PDE4D: variants seen among roughly 807,000 people sequenced by gnomAD.
PDE4D encodes 3',5'-cyclic-AMP phosphodiesterase 4D.
In PDE4D, 24 loss-of-function variants were observed where a neutral mutation model predicts 87.4. That is an observed-to-expected ratio of 0.27 (90% CI 0.20 to 0.39). PDE4D has a LOEUF of 0.39. Among genes scored for constraint, PDE4D ranks in the 10% least tolerant of loss-of-function variants. PDE4D has a pLI of 1.00. For missense variants in PDE4D, 714 were observed against 1,041.0 expected (o/e 0.69, Z 4.32); for synonymous variants, 384 against 383.2 (o/e 1.00, Z -0.02).
rs771396587 is a variant in PDE4D, at chr5:59,953,357, A to AT, written c.272+35130dup. Among the ~76,000 whole-genome samples the AT allele has an allele frequency of 7.9e-3, 1,188 of 150,048 alleles. 18 individuals carry two copies. The highest frequency in any genetic ancestry group is 0.026 in the African/African-American group (1,059 of 40,982). On this transcript the variant is annotated intron_variant, in intron 3 of 16. Transcript: ENST00000502484. ...TGGTTAAATATTTACATTGTCTAGA[A>AT]TTTTTTTTTTGTCTAGAATTTCGAA...
intron 1 of PDE4D, among the ~76,000 whole-genome samples, chr5:59,514,340 T>G (rs980320919): frequency 2.0e-5 from 3 of 151,952 alleles, no homozygotes; most frequent in African/African-American, 7.2e-5. Flanking sequence ...CTCCTGATTT[T>G]GTGATCCACC....
chr5:60,117,120 A>T (rs1211791410), intron 2 of PDE4D, among the ~76,000 whole-genome samples: 1 of 151,978 alleles, frequency 6.6e-6, no homozygotes, highest in Non-Finnish European at 1.5e-5. Flanking sequence ...TATAGTGTTG[A>T]TATAACTTTA....
chr5:58,983,740 A>T (rs1745771696), intron 11 of PDE4D, among the ~76,000 whole-genome samples: 1 of 152,216 alleles, frequency 6.6e-6, no homozygotes, highest in African/African-American at 2.4e-5. Flanking sequence ...AGCAGCTTGC[A>T]CAGCAGGCTG....
chr5:59,862,152 C>A (rs565785403), intron 1 of PDE4D, among the ~76,000 whole-genome samples: 1 of 152,264 alleles, frequency 6.6e-6, no homozygotes, highest in South Asian at 2.1e-4. Context: ...CCTACTCTTC[C>A]AGGACATTCC....
chr5:58,977,456 C>T (rs1744078989), intron 11 of PDE4D, 111 bp from the exon 12 acceptor site: 4 of 876,872 alleles, frequency 4.6e-6, no homozygotes, highest in Non-Finnish European at 7.2e-6. Context: ...CTCTGCTGCC[C>T]TTATCATTAC....
chr5:60,192,010 T>TATAG (rs531607721), intron 1 of PDE4D, among the ~76,000 whole-genome samples: 272 of 152,128 alleles, frequency 1.8e-3, no homozygotes, highest in Non-Finnish European at 3.3e-3. Flanking sequence ...AAAAAATATA[T>TATAG]ATATATTTAA....
At chr5:59,171,890 TATA>T (rs1287826661) in intron 5 of PDE4D, among the ~76,000 whole-genome samples, 2 of 128,838 alleles carry the variant, frequency 1.6e-5, no homozygotes, top group South Asian at 2.2e-4. Flanking sequence ...ATATTTATTA[TATA>T]ATAAGCATAT....
rs986959604 is a variant in PDE4D at position 60,168,433 on chromosome 5, T to C, written c.42+17124A>G. Among the ~76,000 whole-genome samples, 6 of 152,290 alleles carry C rather than the reference T, an allele frequency of 3.9e-5. No homozygotes were observed. In the South Asian group the frequency reaches 1.2e-3, roughly 32 times the overall value. ...TATTTTCTAACTAACCATTCCACTG[T>C]AGGCTCCCCTCTCCCTCACAAGACA... On this transcript the variant is annotated intron_variant, in intron 2 of 16. Transcript: ENST00000502484.
chr5:59,839,308 A>C (rs190007123), intron 1 of PDE4D, among the ~76,000 whole-genome samples: 1 of 151,808 alleles, frequency 6.6e-6, no homozygotes, highest in African/African-American at 2.4e-5. Context: ...GAGAGAGAAG[A>C]CCAATATTTA....
intron 1 of PDE4D, among the ~76,000 whole-genome samples, chr5:59,729,074 T>G (rs1324066423): frequency 2.0e-5 from 3 of 152,106 alleles, no homozygotes; most frequent in Non-Finnish European, 4.4e-5. Context: ...CTTACATTTA[T>G]GAAGAAACTG....
chr5:58,980,128 T>G (rs13173495), intron 11 of PDE4D, among the ~76,000 whole-genome samples: 24,409 of 152,152 alleles, frequency 0.16, 2,091 homozygotes, highest in Admixed American at 0.19. Flanking sequence ...ATGGATGGCA[T>G]GGAGCCATAT....
intron 1 of PDE4D, among the ~76,000 whole-genome samples, chr5:60,360,841 A>C (rs1759999960): frequency 1.3e-5 from 2 of 152,216 alleles, no homozygotes; most frequent in Non-Finnish European, 1.5e-5. Flanking sequence ...CTGTTAGAGA[A>C]TGAATGGTGA....
At chr5:59,169,974 G>A (rs146061551) in intron 5 of PDE4D, among the ~76,000 whole-genome samples, 4 of 152,248 alleles carry the variant, frequency 2.6e-5, no homozygotes, top group South Asian at 2.1e-4. Context: ...TCAGGGCAGC[G>A]GGGAAGGGAT....
At chr5:59,135,099 A>T (rs1327770927) in intron 5 of PDE4D, among the ~76,000 whole-genome samples, 5 of 152,190 alleles carry the variant, frequency 3.3e-5, no homozygotes, top group African/African-American at 1.2e-4. Flanking sequence ...GGAAACGGAC[A>T]CATTGAAGGG....
intron 1 of PDE4D, among the ~76,000 whole-genome samples, chr5:59,366,989 G>A (rs1449379262): frequency 6.6e-5 from 10 of 152,160 alleles, no homozygotes; most frequent in Non-Finnish European, 1.2e-4. Flanking sequence ...GGAGTTGTAC[G>A]CTTACAAAGG....
At chr5:60,364,717 T>G (rs1190321603) in intron 1 of PDE4D, among the ~76,000 whole-genome samples, 1 of 152,216 alleles carries the variant, frequency 6.6e-6, no homozygotes, top group Non-Finnish European at 1.5e-5. Context: ...AGAGTGCCAT[T>G]GGTGCTTAGT....
chr5:59,769,180 A>G (rs1312895141), intron 1 of PDE4D, among the ~76,000 whole-genome samples: 1 of 152,136 alleles, frequency 6.6e-6, no homozygotes, highest in African/African-American at 2.4e-5. Context: ...GACAAATCCC[A>G]TGAGAATGAA....
chr5:60,299,381 C>A (rs775786458), intron 1 of PDE4D, among the ~76,000 whole-genome samples: 1 of 152,100 alleles, frequency 6.6e-6, no homozygotes, highest in Non-Finnish European at 1.5e-5. Context: ...AAGAACATAT[C>A]CTTCTTTTGT....
At chr5:59,339,449 G>C (rs559324673) in intron 1 of PDE4D, among the ~76,000 whole-genome samples, 11 of 152,298 alleles carry the variant, frequency 7.2e-5, no homozygotes, top group East Asian at 3.9e-4. Context: ...GCATGTGCAG[G>C]GGAGGAGGTG....
Sources: gnomAD v4.1 joint callset for allele counts (sites outside exome capture counted in the v4.1 genomes callset) on GRCh38, gnomAD v4.1.1 for gene constraint, MANE v1.5 for transcripts, NCBI Gene and HGNC (gene_info 2026-07-23, HGNC 2026-07-21) for gene names.